Variants in CLU observed in about 807,000 individuals in gnomAD.
CLU encodes the protein aging-associated protein 4.
In CLU, 25 loss-of-function variants were observed where a neutral mutation model predicts 46.4. The ratio of observed to expected loss-of-function variants is 0.54; its 90% confidence interval spans 0.39 to 0.75. CLU has a LOEUF of 0.75. CLU is among the 30% of genes least tolerant of loss of function. CLU has a pLI of 0.00. For missense variants in CLU, 504 were observed against 592.1 expected, an observed-to-expected ratio of 0.85 and a Z score of 1.54; for synonymous variants, 235 against 235.1, an observed-to-expected ratio of 1.00 and a Z score of 0.00.
chr8:27,608,479 A>G (rs893644435), intron 3 of CLU: 2 of 254,756 alleles, frequency 7.9e-6, no homozygotes, highest in East Asian at 9.4e-5. Flanking sequence ...GACCTGCTAT[A>G]TCCACTACTG....
rs1333101945 is a variant in CLU at position 27,597,122 on chromosome 8, A to G, written c.*1119T>C. The G allele has an allele frequency of 1.1e-5, 5 of 453,978 alleles. No individual in the cohort carries two copies. Among genetic ancestry groups the G allele is most frequent in the Non-Finnish European group, 2.2e-5 (5 of 226,788 alleles). 28.1% of individuals were successfully genotyped at this position (453,978 alleles called of 1,614,324 possible). ...CTAAGCTTTAAGTTTGTTGTTTATA[A>G]CTTCAAAGAGAGACAAGGGACAGTG... On this transcript the variant is annotated 3_prime_UTR_variant, in exon 9 of 9. Transcript: ENST00000316403.
chr8:27,613,241 G>T (rs1213820840), intron 1 of CLU, among the ~76,000 whole-genome samples: 2 of 152,100 alleles, frequency 1.3e-5, no homozygotes, highest in South Asian at 4.2e-4. Context: ...ACAAAAATTA[G>T]CCGGATGTAG....
At chr8:27,610,302 C>T (rs1800898847) in intron 2 of CLU, among the ~76,000 whole-genome samples, 173 bp downstream of exon 2, 1 of 152,220 alleles carries the variant, frequency 6.6e-6, no homozygotes, top group African/African-American at 2.4e-5. Context: ...AACCAGGGGC[C>T]TCGGAGCTGA....
rs1800686036 is a variant in CLU, at chr8:27,599,852, C to T, written c.1092G>A (p.Glu364=). 1 of 1,614,162 alleles carries T rather than the reference C, an allele frequency of 6.2e-7. No individual in the cohort carries two copies. The highest frequency in any genetic ancestry group is 8.5e-7 in the Non-Finnish European group (1 of 1,180,016). ...CCAGCCGGGACACCCAGTTAAACTGCTCGTTCAGCTGCTCCAGCAAGGAGG... is the reference window on the plus strand; with the variant it reads ...CCAGCCGGGACACCCAGTTAAACTGTTCGTTCAGCTGCTCCAGCAAGGAGG... ...NTSSLLEQLN[E]QFNWVSRLAN... The change falls in exon 7 of 9, where the codon GAG becomes GAA. Residue 364 remains glutamate (E), a synonymous_variant. Coordinates refer to ENST00000316403, the MANE Select transcript of CLU (RefSeq NM_001831.4). The surrounding 1 kb of genome is among the most constrained non-coding windows in gnomAD (Gnocchi z 4.0).
chr8:27,604,235 G>A, intron 6 of CLU, 56 bp downstream of exon 6: 1 of 1,381,770 alleles, frequency 7.2e-7, no homozygotes, highest in Non-Finnish European at 1.0e-6. Flanking sequence ...AGGCCCCAGT[G>A]ACCCCAGGAC....
At chr8:27,610,076 G>C (rs974603738) in intron 2 of CLU, among the ~76,000 whole-genome samples, 1 of 152,144 alleles carries the variant, frequency 6.6e-6, no homozygotes, top group African/African-American at 2.4e-5. Flanking sequence ...TTTTAACAAT[G>C]ATCCTGCAGA....
At chr8:27,600,717 G>A (rs577163391) in intron 6 of CLU, among the ~76,000 whole-genome samples, 7 of 152,134 alleles carry the variant, frequency 4.6e-5, no homozygotes, top group East Asian at 1.9e-4. Flanking sequence ...AGTCCCTCCC[G>A]GGAATCATTT....
chr8:27,611,440 C>G, intron 1 of CLU: 1 of 455,970 alleles, frequency 2.2e-6, no homozygotes, highest in South Asian at 1.6e-5. Context: ...TTCCTGCCAC[C>G]ACTGGGCTGG....
At chr8:27,603,900 A>G (rs933221142) in intron 6 of CLU, among the ~76,000 whole-genome samples, 6 of 152,244 alleles carry the variant, frequency 3.9e-5, no homozygotes, top group African/African-American at 7.2e-5. Flanking sequence ...AACAAAACAC[A>G]TACTGTCTGC....
intron 6 of CLU, 36 bp downstream of exon 6, chr8:27,604,254 TC>T (rs766118113): frequency 6.6e-7 from 1 of 1,521,990 alleles, no homozygotes; most frequent in Non-Finnish European, 9.1e-7. Flanking sequence ...ACACAAGGGA[TC>T]AGGGGGGACG....
At chr8:27,611,707 C>T (rs1263511211) in intron 1 of CLU, 2 of 457,724 alleles carry the variant, frequency 4.4e-6, no homozygotes, top group Non-Finnish European at 4.4e-6. Context: ...CTCAGTAGCA[C>T]ATTAACAAGG....
At position 27,598,487 on chromosome 8, in the gene CLU, G is replaced by A. The variant is rs779152181; in HGVS notation, c.1313C>T (p.Ala438Val). 13 of 1,613,934 alleles carry A rather than the reference G, an allele frequency of 8.1e-6. No individual in the cohort carries two copies. Among genetic ancestry groups the A allele is most frequent in the Admixed American group, 5.0e-5 (3 of 59,994 alleles). Reference sequence around the variant, plus strand: ...GTGCTTTTTGCGGTATTCCTGCAGCGCTTTCTCCGCCACGGTCTCCATAAA... The same window carrying A: ...GTGCTTTTTGCGGTATTCCTGCAGCACTTTCTCCGCCACGGTCTCCATAAA... The part of the protein sequence containing the change: ...PKFMETVAEK[A>V]LQEYRKKHRE... Residue 438 changes from alanine to valine, a missense_variant, in exon 8 of 9, where the codon GCG becomes GTG. This residue lies in a region of CLU where 428 missense variants were observed against 484.0 expected (regional missense o/e 0.88). Transcript: ENST00000316403.
rs9331947 is a variant in CLU at position 27,597,360 on chromosome 8, A to G, written c.*881T>C. 12,985 of 454,178 alleles carry G rather than the reference A, an allele frequency of 0.029. 304 individuals carry two copies. Among genetic ancestry groups the G allele is most frequent in the Non-Finnish European group, 0.043 (9,686 of 226,690 alleles). 28.1% of individuals were successfully genotyped at this position (454,178 alleles called of 1,614,324 possible). ...CAGCGTAGGGTACTGCAGCCCAGCT[A>G]TGGTTCAGACTAAAAGCCGAGAAAC... On this transcript the variant is annotated 3_prime_UTR_variant, in exon 9 of 9. Coordinates refer to ENST00000316403, the MANE Select transcript of CLU (RefSeq NM_001831.4).
At position 27,614,632 on chromosome 8, in the gene CLU, T is replaced by C. The variant is rs779972720; in HGVS notation, c.-30+23A>G. On this transcript the variant is annotated intron_variant, in intron 1 of 8. Transcript: ENST00000316403. ...GTCCTGGTGTGGCTCTGCTCAAGGG[T>C]AGGGAAGACGGGGACATCTCACCGG... is the stretch of plus-strand genomic sequence containing the variant. The C allele has an allele frequency of 7.6e-6, 4 of 523,616 alleles. No individual in the cohort carries two copies. In the East Asian group the frequency reaches 1.7e-4, roughly 22 times the overall value. The allele number at this position is 523,616 out of a possible 1,614,324, so 32.4% of individuals were successfully genotyped here. A position where few individuals can be genotyped will look rare whatever the true frequency, so the allele number is the denominator to read the frequency against.
chr8:27,598,104 G>T lies in CLU; in HGVS notation c.*137C>A. ...AGTGCAGGATCCAGAGCGGGGAGAGGCTGGGCGGAGTTGGGGGCCTGGAGG... is the reference window on the plus strand; with the variant it reads ...AGTGCAGGATCCAGAGCGGGGAGAGTCTGGGCGGAGTTGGGGGCCTGGAGG... On this transcript the variant is annotated 3_prime_UTR_variant, in exon 9 of 9. Coordinates refer to ENST00000316403, the MANE Select transcript of CLU (RefSeq NM_001831.4). 1.3e-6 allele frequency: 1 copy of T among 781,456 alleles called. No individual in the cohort carries two copies. Among genetic ancestry groups the T allele is most frequent in the Non-Finnish European group, 2.3e-6 (1 of 442,132 alleles). The allele number at this position is 781,456 out of a possible 1,614,324, so 48.4% of individuals were successfully genotyped here.
rs201302978 is a variant in CLU at position 27,608,912 on chromosome 8, G to A, written c.246+26C>T. ...CCCCTCCAGTGGGATGGTCAAGGCAGGGAGGCGGTAGCGGCTCCTCCTGAC... is the reference window on the plus strand; with the variant it reads ...CCCCTCCAGTGGGATGGTCAAGGCAAGGAGGCGGTAGCGGCTCCTCCTGAC... On this transcript the variant is annotated intron_variant, in intron 3 of 8. Coordinates refer to ENST00000316403, the MANE Select transcript of CLU (RefSeq NM_001831.4). 26 of 1,613,922 alleles carry A rather than the reference G, an allele frequency of 1.6e-5. No homozygotes were observed. The African/African-American group carries it at 1.7e-4, about 11-fold the overall frequency.
intron 3 of CLU, among the ~76,000 whole-genome samples, chr8:27,607,870 C>A (rs962183037): frequency 6.6e-6 from 1 of 152,146 alleles, no homozygotes; most frequent in Non-Finnish European, 1.5e-5. Context: ...ACACAAGCGC[C>A]ACCCCTGCTA....
Position 27,597,510 on chromosome 8 carries a change from A to C in CLU, c.*731T>G, listed in dbSNP as rs1455905802. 1 of 454,124 alleles carries C rather than the reference A, an allele frequency of 2.2e-6. No individual in the cohort carries two copies. The highest frequency in any genetic ancestry group is 2.0e-5 in the African/African-American group (1 of 50,024). 28.1% of individuals were successfully genotyped at this position (454,124 alleles called of 1,614,324 possible). A position where few individuals can be genotyped will look rare whatever the true frequency, so the allele number is the denominator to read the frequency against. ...CTCGAAATCAACAGCTTTTACAAAT[A>C]AAACCGCTGCAAAAGCAATAGCTCT... is the stretch of plus-strand genomic sequence containing the variant. On this transcript the variant is annotated 3_prime_UTR_variant, in exon 9 of 9. Coordinates refer to ENST00000316403, the MANE Select transcript of CLU (RefSeq NM_001831.4).
In CLU at chr8:27,614,617, G is replaced by A. The variant is rs73679249; in HGVS notation, c.-30+38C>T. The A allele has an allele frequency of 3.4e-3, 1,739 of 510,428 alleles. 27 individuals carry two copies. Among genetic ancestry groups the A allele is most frequent in the African/African-American group, 0.031 (1,566 of 50,894 alleles). 31.6% of individuals were successfully genotyped at this position (510,428 alleles called of 1,614,324 possible). A position where few individuals can be genotyped will look rare whatever the true frequency, so the allele number is the denominator to read the frequency against. On this transcript the variant is annotated intron_variant, in intron 1 of 8. Transcript: ENST00000316403. ...CCTGCCCGCCCATCCGTCCTGGTGTGGCTCTGCTCAAGGGTAGGGAAGACG... is the reference window on the plus strand; with the variant it reads ...CCTGCCCGCCCATCCGTCCTGGTGTAGCTCTGCTCAAGGGTAGGGAAGACG...
Sources: gnomAD v4.1 joint callset for allele counts (sites outside exome capture counted in the v4.1 genomes callset) on GRCh38, gnomAD v4.1.1 for gene constraint, gnomAD v4.1.1 regional missense constraint, Gnocchi (gnomAD v3.1) non-coding constraint, MANE v1.5 for transcripts, NCBI Gene and HGNC (gene_info 2026-07-23, HGNC 2026-07-21) for gene names.